The following UGT2B7 variants were observed in gnomAD, a reference collection of about 807,000 sequenced individuals.
UGT2B7 encodes UDP glucuronosyltransferase family 2 member B7, also known as UDP-glucuronosyltransferase 2B7.
Under a neutral mutation model 51.9 loss-of-function variants are expected in UGT2B7, and 51 were observed. The ratio of observed to expected loss-of-function variants is 0.98; its 90% CI spans 0.78 to 1.24. The LOEUF is 1.24. Ranked by LOEUF, UGT2B7 falls within the 50% of genes most tolerant of loss-of-function variation. The pLI is 0.00. For synonymous variants in UGT2B7, 225 were observed against 211.6 expected (o/e 1.06, Z -0.55); for missense variants, 727 against 628.4 (o/e 1.16, Z -1.68).
At chr4:69,053,121 A>G (rs1242320437) in intron 1 of UGT2B7, among the ~76,000 whole-genome samples, 2 of 152,276 alleles carry the variant, frequency 1.3e-5, no homozygotes, top group African/African-American at 4.8e-5. Flanking sequence ...AGTCTATAAA[A>G]TCTTACCTTA....
intron 1 of UGT2B7, among the ~76,000 whole-genome samples, chr4:69,082,845 T>A (rs1718868357): frequency 6.6e-6 from 1 of 152,086 alleles, no homozygotes; most frequent in Non-Finnish European, 1.5e-5. Context: ...AAATATGTCA[T>A]CTGAGACTTT....
At chr4:69,060,256 T>G (rs553085988) in intron 1 of UGT2B7, among the ~76,000 whole-genome samples, 1 of 152,322 alleles carries the variant, frequency 6.6e-6, no homozygotes, top group Non-Finnish European at 1.5e-5. Flanking sequence ...GACCAGTATT[T>G]AGGCTTCTAT....
Position 69,112,875 on chromosome 4 carries a change from CT to C in UGT2B7, c.*142del, listed in dbSNP as rs1412923285. 8.4e-6 allele frequency: 11 copies of C among 1,311,386 alleles called. No individual in the cohort carries two copies. Among genetic ancestry groups the C allele is most frequent in the African/African-American group, 1.5e-5 (1 of 65,532 alleles). The allele number at this position is 1,311,386 out of a possible 1,614,324, so 81.2% of individuals were successfully genotyped here. ...GAAAAAAAAATCTTTTCAAAATTTACTTTGTCAAATAAAAATTTGTTTTTCA... is the reference window on the plus strand; with the variant it reads ...GAAAAAAAAATCTTTTCAAAATTTACTTGTCAAATAAAAATTTGTTTTTCA... On this transcript the variant is annotated 3_prime_UTR_variant, in exon 6 of 6. Transcript: ENST00000305231.
chr4:69,101,807 A>G (rs2109887902), intron 2 of UGT2B7, among the ~76,000 whole-genome samples: 1 of 152,304 alleles, frequency 6.6e-6, no homozygotes, highest in East Asian at 1.9e-4. Flanking sequence ...AGTCAGAATA[A>G]TTCTCAATCG....
At chr4:69,072,509 G>T (rs1560501848) in intron 1 of UGT2B7, among the ~76,000 whole-genome samples, 1 of 152,154 alleles carries the variant, frequency 6.6e-6, no homozygotes, top group Non-Finnish European at 1.5e-5. Flanking sequence ...TAATATCTAT[G>T]CAGAATGCAA....
At chr4:69,086,579 C>A (rs1718965211) in intron 1 of UGT2B7, among the ~76,000 whole-genome samples, 1 of 151,822 alleles carries the variant, frequency 6.6e-6, no homozygotes, top group Non-Finnish European at 1.5e-5. Flanking sequence ...TAAAGTGCTG[C>A]ACTCTTCTAC....
intron 1 of UGT2B7, chr4:69,066,269 G>A (rs1215930950): frequency 1.3e-5 from 2 of 152,084 alleles, no homozygotes; most frequent in African/African-American, 2.4e-5. Flanking sequence ...CATCACACAG[G>A]TGTTAAGCCT....
rs115495560 is a variant in UGT2B7, at chr4:69,055,290, G to C, written c.-159+3688G>C. Among the ~76,000 whole-genome samples, 434 of 150,504 alleles carry C rather than the reference G, an allele frequency of 2.9e-3. 1 individual carries two copies. The highest frequency in any genetic ancestry group is 0.01 in the African/African-American group (413 of 41,102). On this transcript the variant is annotated intron_variant, in intron 1 of 5. Coordinates refer to the UGT2B7 transcript ENST00000502942. ...TATTTTTGTGAGATGTGTTAATACT[G>C]GTCTTGTGTCATTTAGACTACTTAA...
intron 1 of UGT2B7, among the ~76,000 whole-genome samples, chr4:69,057,361 T>C (rs1718228874): frequency 6.6e-6 from 1 of 152,196 alleles, no homozygotes; most frequent in Admixed American, 6.5e-5. Flanking sequence ...CACACTTGCA[T>C]GACTGTGCAT....
chr4:69,099,049 T>C (rs1285836393), intron 2 of UGT2B7, among the ~76,000 whole-genome samples: 4 of 151,862 alleles, frequency 2.6e-5, no homozygotes, highest in Non-Finnish European at 5.9e-5. Context: ...TAGACACAGT[T>C]TCTGTCCCCA....
chr4:69,095,610 G>A (rs1400480393), upstream of UGT2B7, among the ~76,000 whole-genome samples: 1 of 152,196 alleles, frequency 6.6e-6, no homozygotes, highest in Non-Finnish European at 1.5e-5. Flanking sequence ...ATAACTGTGA[G>A]GAAGTGAGTC....
At chr4:69,104,215 A>G (rs1274603222) in intron 3 of UGT2B7, among the ~76,000 whole-genome samples, 1 of 152,106 alleles carries the variant, frequency 6.6e-6, no homozygotes, top group Non-Finnish European at 1.5e-5. Context: ...TGAACCTGGG[A>G]GGCAGAGGTT....
intron 1 of UGT2B7, among the ~76,000 whole-genome samples, chr4:69,080,895 T>C (rs960220598): frequency 1.1e-4 from 17 of 152,162 alleles, no homozygotes; most frequent in Non-Finnish European, 2.5e-4. Flanking sequence ...ATTCTCTACA[T>C]ACCATTAATG....
In UGT2B7 at chr4:69,105,361, T is replaced by C. The variant is rs938193134; in HGVS notation, c.1003-1814T>C. ...CCTGCCTGATAAAGCTTTCTTGTAATGACCTCTTCCAACTTTTGCTGAAAC... is the reference window on the plus strand; with the variant it reads ...CCTGCCTGATAAAGCTTTCTTGTAACGACCTCTTCCAACTTTTGCTGAAAC... On this transcript the variant is annotated intron_variant, in intron 3 of 5. Transcript: ENST00000305231. Among the ~76,000 whole-genome samples, 10 of 152,256 alleles carry C rather than the reference T, an allele frequency of 6.6e-5. No individual in the cohort carries two copies. In the South Asian group the frequency reaches 1.2e-3, roughly 19 times the overall value.
At chr4:69,090,395 T>C (rs1412503578) in intron 2 of UGT2B7, among the ~76,000 whole-genome samples, 1 of 152,016 alleles carries the variant, frequency 6.6e-6, no homozygotes, top group African/African-American at 2.4e-5. Flanking sequence ...AAACAAATTA[T>C]GTGACAAAAG....
chr4:69,058,888 C>A (rs888222803), intron 1 of UGT2B7, among the ~76,000 whole-genome samples: 1 of 151,408 alleles, frequency 6.6e-6, no homozygotes, highest in African/African-American at 2.4e-5. Context: ...ATGGAAGAAG[C>A]CAGTATGGAC....
chr4:69,091,785 T>C (rs1719090930), upstream of UGT2B7, among the ~76,000 whole-genome samples: 1 of 152,132 alleles, frequency 6.6e-6, no homozygotes, highest in Admixed American at 6.5e-5. Flanking sequence ...GATAAACTCA[T>C]AGAAAGGGGC....
intron 1 of UGT2B7, among the ~76,000 whole-genome samples, chr4:69,071,208 T>G (rs994023395): frequency 2.6e-5 from 4 of 152,098 alleles, no homozygotes; most frequent in Non-Finnish European, 4.4e-5. Context: ...GTTACATGAT[T>G]TCTCTCTTGA....
At position 69,096,991 on chromosome 4, in the gene UGT2B7, T is replaced by C. The variant is rs750641425; in HGVS notation, c.471T>C (p.Ser157=). 1.2e-6 allele frequency: 2 copies of C among 1,613,628 alleles called. No homozygotes were observed. The highest frequency in any genetic ancestry group is 1.1e-5 in the South Asian group (1 of 91,042). The change falls in exon 1 of 6, where the codon AGT becomes AGC. Residue 157 remains serine, a synonymous_variant. Transcript: ENST00000305231. ...TTGCAGATGCTATTTTTCCCTGTAGTGAGCTGCTGGCTGAGCTATTTAACA... is the reference window on the plus strand; with the variant it reads ...TTGCAGATGCTATTTTTCCCTGTAGCGAGCTGCTGGCTGAGCTATTTAACA... ...VIFADAIFPC[S]ELLAELFNIP... is the part of the protein sequence containing the mutation.
Sources: gnomAD v4.1 joint callset for allele counts (sites outside exome capture counted in the v4.1 genomes callset) on GRCh38, gnomAD v4.1.1 for gene constraint, MANE v1.5 for transcripts, NCBI Gene and HGNC (gene_info 2026-07-23, HGNC 2026-07-21) for gene names.